MNAT1: variants seen among roughly 807,000 people sequenced by gnomAD.
The protein encoded by MNAT1 is CDK-activating kinase assembly factor MAT1.
Under a neutral mutation model 42.0 loss-of-function variants are expected in MNAT1, and 43 were observed. That is an observed-to-expected ratio of 1.02 (90% CI 0.80 to 1.32). MNAT1 has a LOEUF of 1.32. MNAT1 is among the 40% of genes most tolerant of loss of function. The pLI is 0.00. For missense variants in MNAT1, 306 were observed against 350.4 expected, an observed-to-expected ratio of 0.87 and a Z score of 1.01; for synonymous variants, 118 against 120.0, an observed-to-expected ratio of 0.98 and a Z score of 0.11.
intron 6 of MNAT1, among the ~76,000 whole-genome samples, chr14:60,879,181 A>G (rs999198711): frequency 1.3e-5 from 2 of 152,072 alleles, no homozygotes; most frequent in South Asian, 4.1e-4. Context: ...AACTTTTTGT[A>G]ATGATTTTGC....
At position 60,847,132 on chromosome 14, in the gene MNAT1, G is replaced by A. The variant is rs934470783; in HGVS notation, c.687+28285G>A. Among the ~76,000 whole-genome samples, 4 of 151,910 alleles carry A rather than the reference G, an allele frequency of 2.6e-5. No homozygotes were observed. The East Asian group carries it at 5.8e-4, about 22-fold the overall frequency. ...AAGACTTGTTTTATTTGCCGGGCAC[G>A]GTGGCTCACACCTGTAATCCCCAGC... On this transcript the variant is annotated intron_variant, in intron 6 of 7. Coordinates refer to ENST00000261245, the MANE Select transcript of MNAT1 (RefSeq NM_002431.4).
At chr14:60,735,345 A>T (rs1389582486) in intron 1 of MNAT1, among the ~76,000 whole-genome samples, 1 of 152,206 alleles carries the variant, frequency 6.6e-6, no homozygotes, top group Non-Finnish European at 1.5e-5. Context: ...TGAAAACTTA[A>T]AATTTGCTTG....
intron 7 of MNAT1, among the ~76,000 whole-genome samples, chr14:60,884,423 T>G (rs1370005218): frequency 6.6e-6 from 1 of 152,094 alleles, no homozygotes. Context: ...CATGTGGTCA[T>G]GATGAGTGAA....
At chr14:60,965,884 A>G (rs928698272) in intron 7 of MNAT1, among the ~76,000 whole-genome samples, 1 of 152,204 alleles carries the variant, frequency 6.6e-6, no homozygotes, top group Non-Finnish European at 1.5e-5. Context: ...CTATAAAAAT[A>G]TTACTCACTT....
chr14:60,870,302 C>T (rs1365918438), intron 6 of MNAT1, among the ~76,000 whole-genome samples: 1 of 152,118 alleles, frequency 6.6e-6, no homozygotes, highest in Non-Finnish European at 1.5e-5. Context: ...ATTATATATA[C>T]TACTGAATGT....
intron 7 of MNAT1, among the ~76,000 whole-genome samples, chr14:60,948,466 A>T (rs887573909): frequency 6.6e-6 from 1 of 152,152 alleles, no homozygotes; most frequent in Non-Finnish European, 1.5e-5. Context: ...AACCCTCAGG[A>T]TTTGACACTG....
intron 1 of MNAT1, among the ~76,000 whole-genome samples, chr14:60,756,581 G>A (rs2030359648): frequency 6.6e-6 from 1 of 152,186 alleles, no homozygotes; most frequent in African/African-American, 2.4e-5. Flanking sequence ...AAATCTTGAT[G>A]TAAGTGGTAG....
intron 7 of MNAT1, among the ~76,000 whole-genome samples, chr14:60,906,308 T>C (rs1244793387): frequency 6.6e-6 from 1 of 152,054 alleles, no homozygotes; most frequent in Non-Finnish European, 1.5e-5. Flanking sequence ...AAGACTTGGG[T>C]TTTTACTTTG....
chr14:60,940,156 A>T (rs2036110285), intron 7 of MNAT1, among the ~76,000 whole-genome samples: 1 of 152,150 alleles, frequency 6.6e-6, no homozygotes, highest in South Asian at 2.1e-4. Context: ...TCCTGAATAC[A>T]GCACACTGAT....
chr14:60,913,670 C>T (rs1178886988), intron 7 of MNAT1, among the ~76,000 whole-genome samples: 2 of 152,160 alleles, frequency 1.3e-5, no homozygotes, highest in Non-Finnish European at 2.9e-5. Flanking sequence ...ATGCTGCTGC[C>T]TGATCATTCC....
At chr14:60,959,737 A>G (rs762108437) in intron 7 of MNAT1, among the ~76,000 whole-genome samples, 1 of 152,076 alleles carries the variant, frequency 6.6e-6, no homozygotes, top group African/African-American at 2.4e-5. Flanking sequence ...GTAGCGTCCA[A>G]TTATTGTTCT....
At position 60,902,738 on chromosome 14, in the gene MNAT1, A is replaced by G. The variant is rs531972000; in HGVS notation, c.809+22903A>G. On this transcript the variant is annotated intron_variant, in intron 7 of 7. Coordinates refer to ENST00000261245, the MANE Select transcript of MNAT1 (RefSeq NM_002431.4). ...AATATACTTAGTTTTTATATATATC[A>G]CACATTTCTTGGAAATTAATTTTCA... 1.7e-3 allele frequency among the ~76,000 whole-genome samples: 257 copies of G among 152,238 alleles called. 1 individual carries two copies. Among genetic ancestry groups the G allele is most frequent in the African/African-American group, 5.9e-3 (244 of 41,574 alleles).
chr14:60,937,631 AG>A (rs1322018956), intron 7 of MNAT1, among the ~76,000 whole-genome samples: 5 of 152,194 alleles, frequency 3.3e-5, no homozygotes, highest in African/African-American at 1.2e-4. Context: ...TGGTTACTGT[AG>A]CCTTGTAATA....
intron 1 of MNAT1, chr14:60,780,460 G>T (rs1010448895): frequency 5.1e-5 from 78 of 1,535,576 alleles, no homozygotes; most frequent in Non-Finnish European, 6.3e-5. Context: ...ACAAAGATTT[G>T]GTTGTACCTG....
At chr14:60,811,339 G>A (rs148606388) in intron 4 of MNAT1, among the ~76,000 whole-genome samples, 1,636 of 117,622 alleles carry the variant, frequency 0.014, 17 homozygotes, top group Middle Eastern at 0.089. Flanking sequence ...ACCTCGCCCT[G>A]TTGCCCAGGC....
chr14:60,790,676 G>GA (rs2031788859), intron 1 of MNAT1, among the ~76,000 whole-genome samples: 2 of 152,074 alleles, frequency 1.3e-5, no homozygotes, highest in Admixed American at 1.3e-4. Flanking sequence ...CTTAACTTTG[G>GA]CAAAATAAAC....
intron 7 of MNAT1, among the ~76,000 whole-genome samples, chr14:60,900,652 C>A (rs1242090238): frequency 6.6e-6 from 1 of 152,104 alleles, no homozygotes; most frequent in Non-Finnish European, 1.5e-5. Flanking sequence ...ACTCTGAACA[C>A]AGATTTTTCA....
At chr14:60,780,068 A>AT (rs2031402353) in intron 1 of MNAT1, 19 of 1,474,274 alleles carry the variant, frequency 1.3e-5, no homozygotes, top group Non-Finnish European at 1.7e-5. Flanking sequence ...CATCAACAGC[A>AT]TTTTATATCA....
chr14:60,794,147 A>T (rs945819411), intron 1 of MNAT1, among the ~76,000 whole-genome samples: 8 of 152,138 alleles, frequency 5.3e-5, no homozygotes, highest in Middle Eastern at 3.2e-3. Flanking sequence ...ACTATTTTGG[A>T]TAGATGCTTA....
Sources: gnomAD v4.1 joint callset for allele counts (sites outside exome capture counted in the v4.1 genomes callset) on GRCh38, gnomAD v4.1.1 for gene constraint, MANE v1.5 for transcripts, NCBI Gene and HGNC (gene_info 2026-07-23, HGNC 2026-07-21) for gene names.